The following RANBP2 variants were observed in gnomAD, a reference collection of about 807,000 sequenced individuals.
RANBP2 encodes E3 SUMO-protein ligase RanBP2.
RANBP2 carries 57 observed loss-of-function variants against 303.6 expected under a neutral mutation model. The ratio of observed to expected loss-of-function variants is 0.19; its 90% CI spans 0.15 to 0.23. The LOEUF is 0.23. Ranked by LOEUF, RANBP2 falls within the 10% of genes least tolerant of loss-of-function variation. The pLI is 1.00. For synonymous variants in RANBP2, 1,167 were observed against 1,301.5 expected (o/e 0.90, Z 2.23); for missense variants, 3,138 against 3,780.8 (o/e 0.83, Z 4.46).
the RANBP2 span, among the ~76,000 whole-genome samples, chr2:109,040,690 G>A: frequency 3.9e-5 from 6 of 152,066 alleles, no homozygotes; most frequent in Non-Finnish European, 7.4e-5. Context: ...AGATTCATTC[G>A]TATTTTCTTG....
At position 108,719,503 on chromosome 2, in the gene RANBP2, C is replaced by A. The variant is rs1694028771; in HGVS notation, c.-104C>A. 1 of 1,524,010 alleles carries A rather than the reference C, an allele frequency of 6.6e-7. No individual in the cohort carries two copies. Among genetic ancestry groups the A allele is most frequent in the East Asian group, 2.5e-5 (1 of 40,770 alleles). 94.4% of individuals were successfully genotyped at this position (1,524,010 alleles called of 1,614,324 possible). The stretch of plus-strand genomic sequence containing the variant: ...CGTCACAGTGGTCCTCCGCCGGCTA[C>A]GGCGCTGCGTCACTGGTTTGCAGGC... On this transcript the variant is annotated 5_prime_UTR_variant, in exon 1 of 29. Transcript: ENST00000283195.
the RANBP2 span, among the ~76,000 whole-genome samples, chr2:109,070,072 C>T: frequency 6.6e-6 from 1 of 152,160 alleles, no homozygotes; most frequent in Non-Finnish European, 1.5e-5. Flanking sequence ...AGGGAGCCAG[C>T]CTGCGACGTG....
intron 7 of RANBP2, among the ~76,000 whole-genome samples, chr2:108,745,546 A>C (rs1696434642): frequency 1.3e-5 from 2 of 150,416 alleles, no homozygotes; most frequent in African/African-American, 4.9e-5. Context: ...AAATAATTTT[A>C]ATATTTGAAG....
chr2:108,981,475 G>A, the RANBP2 span, among the ~76,000 whole-genome samples: 1 of 152,162 alleles, frequency 6.6e-6, no homozygotes, highest in Non-Finnish European at 1.5e-5. Context: ...GGGATACAAA[G>A]AGAAGCTTCC....
chr2:109,497,085 C>A, the RANBP2 span, among the ~76,000 whole-genome samples: 2 of 152,184 alleles, frequency 1.3e-5, no homozygotes, highest in Non-Finnish European at 2.9e-5. Flanking sequence ...CCCAGTGAGA[C>A]CACGTTGGAG....
At chr2:109,519,769 G>T in the RANBP2 span, among the ~76,000 whole-genome samples, 1 of 152,226 alleles carries the variant, frequency 6.6e-6, no homozygotes, top group Admixed American at 6.5e-5. Flanking sequence ...GCATGTGAGG[G>T]CGTTGCTTTC....
chr2:109,145,257 G>A, the RANBP2 span, among the ~76,000 whole-genome samples: 13 of 152,164 alleles, frequency 8.5e-5, no homozygotes, highest in African/African-American at 3.1e-4. Context: ...ATCTGTGCCT[G>A]TGGCCCCGGT....
At chr2:109,114,620 G>A in the RANBP2 span, among the ~76,000 whole-genome samples, 18 of 151,968 alleles carry the variant, frequency 1.2e-4, no homozygotes, top group Admixed American at 9.8e-4. Flanking sequence ...GGCTTTTTGT[G>A]TCTCTATTTC....
the RANBP2 span, among the ~76,000 whole-genome samples, chr2:109,505,374 C>A: frequency 6.6e-6 from 1 of 152,192 alleles, no homozygotes; most frequent in Non-Finnish European, 1.5e-5. Flanking sequence ...TTTACTCTAC[C>A]ATAAAAATTA....
the RANBP2 span, chr2:109,613,893 C>G: frequency 8.3e-7 from 1 of 1,200,068 alleles, no homozygotes. Flanking sequence ...GTCCCGGCGA[C>G]GGCGGCGGGA....
chr2:108,780,921 C>T lies in RANBP2; in HGVS notation c.8600-348C>T, dbSNP rs564281189. Among the ~76,000 whole-genome samples, 4 of 152,208 alleles carry T rather than the reference C, an allele frequency of 2.6e-5. No homozygotes were observed. In the East Asian group the frequency reaches 7.7e-4, roughly 29 times the overall value. The stretch of plus-strand genomic sequence containing the variant: ...ACGGGGTTTCTCCATGTTGGTCAGG[C>T]TGGTCTTGAACTCCTGACCTCAGGA... On this transcript the variant is annotated intron_variant, in intron 25 of 28. Coordinates refer to ENST00000283195, the MANE Select transcript of RANBP2 (RefSeq NM_006267.5).
the RANBP2 span, among the ~76,000 whole-genome samples, chr2:109,587,737 C>A: frequency 6.6e-6 from 1 of 152,058 alleles, no homozygotes. Context: ...CACGGTGAAA[C>A]CCTGTGTCTA....
chr2:108,754,872 T>C, intron 15 of RANBP2, 33 bp from the exon 16 acceptor site: 1 of 1,609,040 alleles, frequency 6.2e-7, no homozygotes, highest in South Asian at 1.1e-5. Flanking sequence ...TTTTTGCAAA[T>C]GAAAGCCCTT....
At chr2:109,552,886 A>T in the RANBP2 span, 1 of 492,922 alleles carries the variant, frequency 2.0e-6, no homozygotes, top group South Asian at 3.2e-5. Flanking sequence ...GTACTGCTTT[A>T]AAAAAAAAGA....
the RANBP2 span, among the ~76,000 whole-genome samples, chr2:109,119,218 T>C: frequency 2.0e-5 from 3 of 152,176 alleles, no homozygotes; most frequent in Non-Finnish European, 4.4e-5. Flanking sequence ...AAGGTCTATG[T>C]ATTTAACTAC....
chr2:109,258,675 T>C, the RANBP2 span, among the ~76,000 whole-genome samples: 2 of 152,220 alleles, frequency 1.3e-5, no homozygotes, highest in Admixed American at 1.3e-4. Flanking sequence ...GGAGCCTGAC[T>C]GTGTGGCAGC....
the RANBP2 span, among the ~76,000 whole-genome samples, chr2:109,218,234 G>T: frequency 1.3e-5 from 2 of 151,992 alleles, no homozygotes; most frequent in East Asian, 3.8e-4. Flanking sequence ...TCCTTCATGT[G>T]GCATGGCACA....
At chr2:109,574,466 A>T in the RANBP2 span, 9 of 573,174 alleles carry the variant, frequency 1.6e-5, no homozygotes, top group African/African-American at 2.1e-5. Context: ...AAAAAAAAAA[A>T]TTTAAAAAAG....
At chr2:109,724,187 G>A in the RANBP2 span, among the ~76,000 whole-genome samples, 1 of 152,200 alleles carries the variant, frequency 6.6e-6, no homozygotes, top group Non-Finnish European at 1.5e-5. Context: ...AGTATAGTTC[G>A]AAGTCAGGTA....
Sources: gnomAD v4.1 joint callset for allele counts (sites outside exome capture counted in the v4.1 genomes callset) on GRCh38, gnomAD v4.1.1 for gene constraint, MANE v1.5 for transcripts, NCBI Gene and HGNC (gene_info 2026-07-23, HGNC 2026-07-21) for gene names.